The following CCR5AS variants were observed in gnomAD, a reference collection of about 807,000 sequenced individuals.
CCR5AS encodes CCR5 antisense RNA.
chr3:46,401,598 T>C (rs1034144117), intron 1 of CCR5AS, among the ~76,000 whole-genome samples: 3 of 152,226 alleles, frequency 2.0e-5, no homozygotes, highest in Admixed American at 2.0e-4. Flanking sequence ...GTGTCCCTAA[T>C]AGTGTCATGG....
At chr3:46,384,898 TAGATAGATAGATAGAC>T (rs1309659187) in intron 2 of CCR5AS, among the ~76,000 whole-genome samples, 53 of 128,668 alleles carry the variant, frequency 4.1e-4, no homozygotes, top group Admixed American at 1.7e-3. Context: ...GATAGATAGA[TAGATAGATAGATAGAC>T]AGACAGACAG....
chr3:46,401,518 A>T (rs1305531071), intron 1 of CCR5AS, among the ~76,000 whole-genome samples: 2 of 152,240 alleles, frequency 1.3e-5, no homozygotes, highest in East Asian at 3.9e-4. Context: ...GAATGACGCA[A>T]GGTTTGGCTG....
At chr3:46,402,600 T>C (rs915364357) in intron 1 of CCR5AS, among the ~76,000 whole-genome samples, 8 of 152,224 alleles carry the variant, frequency 5.3e-5, no homozygotes, top group East Asian at 1.9e-4. Context: ...GATTGACTAA[T>C]TGATAATCTA....
At chr3:46,375,674 C>T (rs1213157379) in intron 2 of CCR5AS, 5 of 166,126 alleles carry the variant, frequency 3.0e-5, no homozygotes, top group Non-Finnish European at 2.9e-5. Flanking sequence ...GTGGGGGGGG[C>T]GCCTTAGGTA....
At chr3:46,381,625 A>G (rs1307915590) in intron 2 of CCR5AS, among the ~76,000 whole-genome samples, 1 of 152,204 alleles carries the variant, frequency 6.6e-6, no homozygotes, top group Non-Finnish European at 1.5e-5. Context: ...GAATTTCAAT[A>G]TTGTCTATGT....
At chr3:46,367,486 T>G (rs1701611347) in intron 3 of CCR5AS, among the ~76,000 whole-genome samples, 1 of 152,220 alleles carries the variant, frequency 6.6e-6, no homozygotes, top group Non-Finnish European at 1.5e-5. Context: ...GTTTTGATAC[T>G]GTGAGAATGT....
chr3:46,388,931 T>C (rs1204371807), intron 2 of CCR5AS, among the ~76,000 whole-genome samples: 2 of 152,154 alleles, frequency 1.3e-5, no homozygotes, highest in African/African-American at 4.8e-5. Flanking sequence ...GAGTGGCGGA[T>C]TGGGGATAGT....
chr3:46,371,514 T>C (rs1701659539), intron 2 of CCR5AS: 1 of 152,188 alleles, frequency 6.6e-6, no homozygotes, highest in Non-Finnish European at 1.5e-5. Context: ...TAATTCTTTA[T>C]GGTTCAAAAT....
intron 3 of CCR5AS, among the ~76,000 whole-genome samples, chr3:46,368,439 A>G (rs577196058): frequency 3.3e-5 from 5 of 152,162 alleles, no homozygotes; most frequent in Admixed American, 6.5e-5. Flanking sequence ...ATGCTGAAGA[A>G]TTTCCCATGG....
chr3:46,380,218 TA>T (rs1701804044), intron 2 of CCR5AS, among the ~76,000 whole-genome samples: 1 of 152,172 alleles, frequency 6.6e-6, no homozygotes, highest in South Asian at 2.1e-4. Flanking sequence ...CTTTGGTCTG[TA>T]AATCAGCTGT....
At chr3:46,400,541 T>C (rs1045890451) in intron 1 of CCR5AS, among the ~76,000 whole-genome samples, 64 of 152,212 alleles carry the variant, frequency 4.2e-4, no homozygotes, top group African/African-American at 1.5e-3. Context: ...GGAGTAAAAG[T>C]TGTCATCAGA....
At chr3:46,390,778 A>T (rs1424948650) in intron 2 of CCR5AS, among the ~76,000 whole-genome samples, 1 of 152,178 alleles carries the variant, frequency 6.6e-6, no homozygotes, top group Non-Finnish European at 1.5e-5. Flanking sequence ...TAACTAAAAA[A>T]GTGCATAAAA....
At chr3:46,391,752 G>T (rs35821444) in intron 2 of CCR5AS, among the ~76,000 whole-genome samples, 10,325 of 152,184 alleles carry the variant, frequency 0.068, 531 homozygotes, top group South Asian at 0.2. Context: ...GAGAGAAGGT[G>T]ACCAAAGGTT....
Position 46,391,099 on chromosome 3 carries a change from G to A in CCR5AS, n.391+1726C>T, listed in dbSNP as rs377726532. Among the ~76,000 whole-genome samples, 6 of 152,336 alleles carry A rather than the reference G, an allele frequency of 3.9e-5. No homozygotes were observed. In the East Asian group the frequency reaches 9.6e-4, roughly 24 times the overall value. On this transcript the variant is annotated intron_variant and non_coding_transcript_variant, in intron 2 of 3. Coordinates refer to ENST00000451485, the Ensembl canonical transcript of CCR5AS. The stretch of plus-strand genomic sequence containing the variant: ...TTGGGCCAGAGTTCCAGGGGCTCTG[G>A]GAGTGGTTGCCAGGCAAGTTGAACA...
At chr3:46,391,924 A>G (rs1701917644) in intron 2 of CCR5AS, among the ~76,000 whole-genome samples, 1 of 152,188 alleles carries the variant, frequency 6.6e-6, no homozygotes, top group Admixed American at 6.5e-5. Flanking sequence ...CAGGAGAGAA[A>G]GAGGAAAGAT....
chr3:46,377,503 G>A lies in CCR5AS; in HGVS notation n.392-6086C>T, dbSNP rs142547460. Among the ~76,000 whole-genome samples the A allele has an allele frequency of 1.8e-4, 27 of 152,238 alleles. 1 individual carries two copies. In the East Asian group the frequency reaches 4.6e-3, roughly 26 times the overall value. The stretch of plus-strand genomic sequence containing the variant: ...ACTCCAGGGGTTCTTAGTTTAAATC[G>A]CTCTGAATAAATTAAGATGCAATGG... On this transcript the variant is annotated intron_variant and non_coding_transcript_variant, in intron 2 of 3. Transcript: ENST00000451485.
chr3:46,369,129 A>C (rs1402768535), intron 3 of CCR5AS, among the ~76,000 whole-genome samples: 1 of 152,220 alleles, frequency 6.6e-6, no homozygotes, highest in African/African-American at 2.4e-5. Flanking sequence ...GTGGGTGCCC[A>C]AAAGGCTCTA....
chr3:46,394,586 TCTCACATCC>T (rs1265479532), intron 1 of CCR5AS, among the ~76,000 whole-genome samples: 1 of 152,114 alleles, frequency 6.6e-6, no homozygotes, highest in Non-Finnish European at 1.5e-5. Flanking sequence ...GGAGAACATG[TCTCACATCC>T]CCCAGCCAGC....
chr3:46,406,734 C>A (rs1702052147), intron 1 of CCR5AS, among the ~76,000 whole-genome samples: 1 of 152,142 alleles, frequency 6.6e-6, no homozygotes, highest in Non-Finnish European at 1.5e-5. Context: ...ACACCCAGGG[C>A]AGCCCTATGC....
Sources: allele counts gnomAD v4.1 joint callset (sites outside exome capture counted in the v4.1 genomes callset), GRCh38; gene constraint gnomAD v4.1.1; transcripts MANE v1.5; gene names NCBI Gene and HGNC (gene_info 2026-07-23, HGNC 2026-07-21).